HMCN1: variants seen among roughly 807,000 people sequenced by gnomAD.
The protein encoded by HMCN1 is hemicentin-1.
A neutral mutation model predicts 625.9 loss-of-function variants in HMCN1; 321 were observed. That is an observed-to-expected ratio of 0.51 (90% confidence interval 0.47 to 0.56). The LOEUF (loss-of-function observed/expected upper bound fraction) is 0.56, where lower values mean the gene tolerates loss of function less well. HMCN1 is among the 20% of genes least tolerant of loss of function. The probability of loss-of-function intolerance (pLI) is 0.00; values close to 1 mark genes in which losing one functional copy is unlikely to be tolerated. For synonymous variants in HMCN1, 2,425 were observed against 2,417.6 expected (o/e 1.00, Z -0.09); for missense variants, 6,588 against 6,887.3 (o/e 0.96, Z 1.54).
intron 29 of HMCN1, 149 bp downstream of exon 29, chr1:186,003,993 G>C: frequency 2.7e-6 from 2 of 754,082 alleles, no homozygotes; most frequent in Non-Finnish European, 4.2e-6. Context: ...TCAAAAGCTA[G>C]TCTGAAAGTC....
intron 1 of HMCN1, among the ~76,000 whole-genome samples, chr1:185,742,164 G>A (rs572608469): frequency 9.2e-5 from 14 of 152,094 alleles, no homozygotes; most frequent in South Asian, 4.2e-4. Flanking sequence ...AACCTTGCTC[G>A]ACCGTCTGTT....
At chr1:185,853,116 A>G (rs939802833) in intron 2 of HMCN1, among the ~76,000 whole-genome samples, 1 of 152,142 alleles carries the variant, frequency 6.6e-6, no homozygotes, top group Non-Finnish European at 1.5e-5. Flanking sequence ...ATTTATTTAT[A>G]TAATTTGTAT....
At chr1:185,773,600 A>C (rs1656397179) in intron 1 of HMCN1, among the ~76,000 whole-genome samples, 1 of 152,120 alleles carries the variant, frequency 6.6e-6, no homozygotes, top group African/African-American at 2.4e-5. Context: ...GTACATTTCA[A>C]CTGTGCCTGC....
At chr1:186,183,227 A>T (rs747701846) in intron 105 of HMCN1, among the ~76,000 whole-genome samples, 1 of 152,276 alleles carries the variant, frequency 6.6e-6, no homozygotes, top group East Asian at 1.9e-4. Context: ...TTTAGATTGA[A>T]TTTTTTTCTC....
At chr1:186,112,013 T>G (rs1053748253) in intron 71 of HMCN1, among the ~76,000 whole-genome samples, 3 of 152,194 alleles carry the variant, frequency 2.0e-5, no homozygotes, top group African/African-American at 7.2e-5. Flanking sequence ...CTATCTGGAA[T>G]TTTTTAATAA....
chr1:186,041,434 T>C (rs935086126), intron 40 of HMCN1, among the ~76,000 whole-genome samples: 12 of 152,188 alleles, frequency 7.9e-5, no homozygotes. Flanking sequence ...GATAATCTTC[T>C]CATCACTGAA....
chr1:186,006,466 C>T (rs1320655813), intron 29 of HMCN1, among the ~76,000 whole-genome samples: 1 of 152,074 alleles, frequency 6.6e-6, no homozygotes, highest in African/African-American at 2.4e-5. Flanking sequence ...CTGCCAATTA[C>T]ATAAACTGAG....
At chr1:186,029,128 G>C (rs1655250232) in intron 36 of HMCN1, among the ~76,000 whole-genome samples, 1 of 151,690 alleles carries the variant, frequency 6.6e-6, no homozygotes, top group Non-Finnish European at 1.5e-5. Flanking sequence ...TGGCTGTGAA[G>C]ACTTAATAGA....
chr1:185,776,671 G>GA (rs1407054993), intron 1 of HMCN1, among the ~76,000 whole-genome samples: 1 of 151,932 alleles, frequency 6.6e-6, no homozygotes, highest in Non-Finnish European at 1.5e-5. Context: ...TGTGAGAGTG[G>GA]AAAAAATATA....
chr1:186,030,875 A>C (rs1013126237), intron 36 of HMCN1, among the ~76,000 whole-genome samples: 1 of 151,794 alleles, frequency 6.6e-6, no homozygotes, highest in Non-Finnish European at 1.5e-5. Context: ...TAGAATCTTA[A>C]TAATTATAGT....
intron 2 of HMCN1, among the ~76,000 whole-genome samples, chr1:185,855,393 C>T (rs1447046131): frequency 6.6e-6 from 1 of 152,064 alleles, no homozygotes; most frequent in Admixed American, 6.5e-5. Context: ...TGTTAGTTTC[C>T]CATTTTTGCC....
intron 11 of HMCN1, among the ~76,000 whole-genome samples, chr1:185,935,572 T>C (rs1667770684): frequency 6.6e-6 from 1 of 152,042 alleles, no homozygotes; most frequent in Admixed American, 6.6e-5. Flanking sequence ...GGTAAGATGT[T>C]ATATAATACA....
chr1:186,005,009 C>T (rs1451769652), intron 29 of HMCN1, among the ~76,000 whole-genome samples: 1 of 150,796 alleles, frequency 6.6e-6, no homozygotes, highest in African/African-American at 2.5e-5. Context: ...AATAACCTGA[C>T]ACCATTGATA....
chr1:185,982,504 G>T, intron 18 of HMCN1, 115 bp downstream of exon 18: 17 of 970,642 alleles, frequency 1.8e-5, no homozygotes, highest in Admixed American at 9.1e-5. Context: ...GCAGTGGTGG[G>T]ATCTAGGCTC....
At chr1:185,938,185 C>T (rs781781952) in intron 11 of HMCN1, among the ~76,000 whole-genome samples, 7 of 151,852 alleles carry the variant, frequency 4.6e-5, no homozygotes, top group Non-Finnish European at 8.8e-5. Flanking sequence ...ATGATTGAAA[C>T]TAAAGAAATA....
chr1:185,736,178 T>C (rs559212320), intron 1 of HMCN1, among the ~76,000 whole-genome samples: 1 of 152,312 alleles, frequency 6.6e-6, no homozygotes, highest in East Asian at 1.9e-4. Context: ...TTTAAAGATA[T>C]ATAGAACTCT....
At chr1:186,085,082 G>A (rs1659391412) in intron 57 of HMCN1, among the ~76,000 whole-genome samples, 1 of 152,082 alleles carries the variant, frequency 6.6e-6, no homozygotes, top group Non-Finnish European at 1.5e-5. Flanking sequence ...TTGAAGGCAG[G>A]AATATTGATG....
chr1:185,889,742 G>A lies in HMCN1; in HGVS notation c.622-19595G>A, dbSNP rs1470293259. On this transcript the variant is annotated intron_variant, in intron 4 of 106. Coordinates refer to ENST00000271588, the MANE Select transcript of HMCN1 (RefSeq NM_031935.3). Reference sequence around the variant, plus strand: ...TTTTATTGAGGATTTTTGCATCAACGTTCATCAAGGATATTGGTCTAAAAT... The same window carrying A: ...TTTTATTGAGGATTTTTGCATCAACATTCATCAAGGATATTGGTCTAAAAT... Among the ~76,000 whole-genome samples the A allele has an allele frequency of 7.0e-4, 99 of 141,570 alleles. 3 individuals carry two copies. The highest frequency in any genetic ancestry group is 1.2e-3 in the Non-Finnish European group (84 of 67,374). 92.9% of individuals were successfully genotyped at this position (141,570 alleles called of 152,430 possible). A position where few individuals can be genotyped will look rare whatever the true frequency, so the allele number is the denominator to read the frequency against.
At chr1:185,785,870 T>A (rs540765268) in intron 1 of HMCN1, among the ~76,000 whole-genome samples, 1 of 152,214 alleles carries the variant, frequency 6.6e-6, no homozygotes, top group Non-Finnish European at 1.5e-5. Context: ...ACATATATCA[T>A]GCTGCTCGCT....
Sources: gnomAD v4.1 joint callset for allele counts (sites outside exome capture counted in the v4.1 genomes callset) on GRCh38, gnomAD v4.1.1 for gene constraint, MANE v1.5 for transcripts, NCBI Gene and HGNC (gene_info 2026-07-23, HGNC 2026-07-21) for gene names.